The following CDH12 variants were observed in gnomAD, a reference collection of about 807,000 sequenced individuals.
CDH12 encodes the protein cadherin 12.
A neutral mutation model predicts 74.1 loss-of-function variants in CDH12; 41 were observed. That is an observed-to-expected ratio of 0.55 (90% CI 0.43 to 0.72). The LOEUF is 0.72. Among genes scored for constraint, CDH12 ranks in the 30% least tolerant of loss-of-function variants. The probability of loss-of-function intolerance (pLI) is 0.00; values close to 1 mark genes in which losing one functional copy is unlikely to be tolerated. For synonymous variants in CDH12, 399 were observed against 355.0 expected, an observed-to-expected ratio of 1.12 and a Z score of -1.39; for missense variants, 945 against 977.2, an observed-to-expected ratio of 0.97 and a Z score of 0.44.
rs572576357 is a variant in CDH12 at position 22,140,970 on chromosome 5, A to C, written c.-186-62108T>G. Among the ~76,000 whole-genome samples, 6 of 152,302 alleles carry C rather than the reference A, an allele frequency of 3.9e-5. No individual in the cohort carries two copies. In the South Asian group the frequency reaches 1.2e-3, roughly 32 times the overall value. On this transcript the variant is annotated intron_variant, in intron 4 of 14. Transcript: ENST00000382254. ...CAGCCTGAAATCACAAAGCTTCCTTATGTAGGCCTTCTTTATCAACTCAGA... is the reference window on the plus strand; with the variant it reads ...CAGCCTGAAATCACAAAGCTTCCTTCTGTAGGCCTTCTTTATCAACTCAGA...
chr5:22,491,542 G>A (rs913946438), intron 2 of CDH12, among the ~76,000 whole-genome samples: 71 of 142,132 alleles, frequency 5.0e-4, no homozygotes, highest in African/African-American at 1.8e-3. Context: ...GCATCCCTGG[G>A]CCACACTGGA....
chr5:22,387,658 A>G (rs1580595101), intron 3 of CDH12, among the ~76,000 whole-genome samples: 1 of 152,318 alleles, frequency 6.6e-6, no homozygotes, highest in East Asian at 1.9e-4. Context: ...ACTGGATTTA[A>G]GCAGGAATTT....
intron 6 of CDH12, among the ~76,000 whole-genome samples, chr5:21,903,718 A>G (rs1196542075): frequency 1.3e-5 from 2 of 152,190 alleles, no homozygotes; most frequent in East Asian, 3.8e-4. Context: ...GGATCAGCCG[A>G]GAGAAAAATA....
intron 1 of CDH12, among the ~76,000 whole-genome samples, chr5:22,518,586 T>C (rs1736904914): frequency 6.6e-6 from 1 of 152,212 alleles, no homozygotes; most frequent in South Asian, 2.1e-4. Flanking sequence ...GTTTCAAGTG[T>C]TATGACATAA....
intron 5 of CDH12, among the ~76,000 whole-genome samples, chr5:21,997,647 A>C (rs1306989657): frequency 1.3e-5 from 2 of 152,258 alleles, no homozygotes; most frequent in South Asian, 2.1e-4. Context: ...CCATGAATAT[A>C]ACTGAAATTA....
chr5:22,799,953 G>T (rs1748424887), intron 1 of CDH12, among the ~76,000 whole-genome samples: 1 of 152,056 alleles, frequency 6.6e-6, no homozygotes, highest in Non-Finnish European at 1.5e-5. Context: ...AAATCTGAAT[G>T]TAAATGGAGT....
intron 3 of CDH12, among the ~76,000 whole-genome samples, chr5:22,236,597 A>C (rs1300870735): frequency 6.6e-6 from 1 of 152,046 alleles, no homozygotes; most frequent in Admixed American, 6.6e-5. Flanking sequence ...CACACAAAAA[A>C]TTAGCTGGAC....
intron 7 of CDH12, among the ~76,000 whole-genome samples, chr5:21,851,282 G>A (rs1325963308): frequency 6.6e-6 from 1 of 150,850 alleles, no homozygotes; most frequent in Non-Finnish European, 1.5e-5. Context: ...AGACATAAGA[G>A]TTCATCATTT....
At chr5:22,196,409 C>T (rs1750624686) in intron 4 of CDH12, among the ~76,000 whole-genome samples, 1 of 152,050 alleles carries the variant, frequency 6.6e-6, no homozygotes, top group African/African-American at 2.4e-5. Context: ...TCCCAAAGTG[C>T]TGGGATTACA....
At chr5:22,567,486 G>C (rs146397864) in intron 1 of CDH12, among the ~76,000 whole-genome samples, 6 of 152,088 alleles carry the variant, frequency 3.9e-5, no homozygotes, top group African/African-American at 1.2e-4. Flanking sequence ...CAGTTTTCCC[G>C]TGTCTTTCAA....
At chr5:22,478,513 T>C (rs1746264198) in intron 2 of CDH12, among the ~76,000 whole-genome samples, 1 of 150,710 alleles carries the variant, frequency 6.6e-6, no homozygotes, top group Non-Finnish European at 1.5e-5. Context: ...ACCAGCTAAA[T>C]ATATGAACCA....
At chr5:21,787,816 A>C (rs1746277931) in intron 10 of CDH12, among the ~76,000 whole-genome samples, 1 of 152,208 alleles carries the variant, frequency 6.6e-6, no homozygotes, top group Admixed American at 6.5e-5. Flanking sequence ...GCACACCAAA[A>C]GGTCAGAAAA....
chr5:22,598,008 A>G (rs577453207), intron 1 of CDH12, among the ~76,000 whole-genome samples: 26 of 152,250 alleles, frequency 1.7e-4, no homozygotes, highest in Admixed American at 5.2e-4. Flanking sequence ...AACTGTCTCT[A>G]CTCCCAATCA....
At chr5:22,450,536 G>C (rs920926498) in intron 2 of CDH12, among the ~76,000 whole-genome samples, 1 of 151,668 alleles carries the variant, frequency 6.6e-6, no homozygotes, top group Non-Finnish European at 1.5e-5. Context: ...TAATATCATA[G>C]TCTCACTGTA....
chr5:22,072,723 CT>C (rs556385981), intron 5 of CDH12, among the ~76,000 whole-genome samples: 124 of 152,086 alleles, frequency 8.2e-4, no homozygotes, highest in African/African-American at 2.8e-3. Context: ...TCCCTCCCCC[CT>C]CTCCCCACCC....
At chr5:22,051,451 A>C (rs1011665563) in intron 5 of CDH12, among the ~76,000 whole-genome samples, 2 of 152,190 alleles carry the variant, frequency 1.3e-5, no homozygotes, top group African/African-American at 4.8e-5. Context: ...TATTGGGTAG[A>C]TATAAATGAT....
At chr5:21,832,267 A>G (rs1023762453) in intron 8 of CDH12, among the ~76,000 whole-genome samples, 1 of 152,178 alleles carries the variant, frequency 6.6e-6, no homozygotes, top group African/African-American at 2.4e-5. Flanking sequence ...AAAAATTTTC[A>G]GCACCACTTA....
At chr5:22,717,332 C>G (rs1254058004) in intron 1 of CDH12, among the ~76,000 whole-genome samples, 1 of 152,062 alleles carries the variant, frequency 6.6e-6, no homozygotes, top group South Asian at 2.1e-4. Flanking sequence ...CAGTTGCCTG[C>G]AGTATTTAGC....
At chr5:22,279,385 A>G (rs1490772147) in intron 3 of CDH12, among the ~76,000 whole-genome samples, 1 of 152,116 alleles carries the variant, frequency 6.6e-6, no homozygotes, top group African/African-American at 2.4e-5. Context: ...TTATATACAT[A>G]TTGATTATAC....
Sources: allele counts gnomAD v4.1 joint callset (sites outside exome capture counted in the v4.1 genomes callset), GRCh38; gene constraint gnomAD v4.1.1; transcripts MANE v1.5; gene names NCBI Gene and HGNC (gene_info 2026-07-23, HGNC 2026-07-21).